Variants in FBN2 observed in about 807,000 individuals in gnomAD.
FBN2 encodes the protein fibrillin-2.
FBN2 carries 105 observed loss-of-function variants against 355.6 expected under a neutral mutation model. The observed-to-expected ratio is 0.30, with a 90% confidence interval of 0.25 to 0.35. FBN2 has a LOEUF of 0.35. Ranked by LOEUF, FBN2 falls within the 10% of genes least tolerant of loss-of-function variation. FBN2 has a pLI of 1.00. For missense variants in FBN2, 3,280 were observed against 3,758.7 expected (o/e 0.87, Z 3.33); for synonymous variants, 1,350 against 1,301.2 (o/e 1.04, Z -0.81).
At chr5:128,468,873 T>C (rs1754782331) in intron 5 of FBN2, among the ~76,000 whole-genome samples, 1 of 152,190 alleles carries the variant, frequency 6.6e-6, no homozygotes, top group Admixed American at 6.5e-5. Context: ...TAAAATGCCC[T>C]TTTCATAACA....
At chr5:128,444,779 C>T (rs1754023485) in intron 7 of FBN2, among the ~76,000 whole-genome samples, 1 of 152,224 alleles carries the variant, frequency 6.6e-6, no homozygotes, top group South Asian at 2.1e-4. Flanking sequence ...AGAAAAGCCT[C>T]ATTCCATTTT....
intron 6 of FBN2, among the ~76,000 whole-genome samples, chr5:128,462,082 C>T (rs331065): frequency 0.99 from 151,432 of 152,338 alleles, 75,269 homozygotes; most frequent in Middle Eastern, 1. Flanking sequence ...ACTCTGTTTA[C>T]TACAAGGGCA....
At chr5:128,272,202 T>C in intron 61 of FBN2, 84 bp from the exon 62 acceptor site, 1 of 1,481,870 alleles carries the variant, frequency 6.7e-7, no homozygotes, top group Non-Finnish European at 9.4e-7. Context: ...CTGGGGTAAC[T>C]GTTATCATGG....
chr5:128,397,785 T>C (rs952735839), intron 8 of FBN2, among the ~76,000 whole-genome samples: 1 of 152,150 alleles, frequency 6.6e-6, no homozygotes, highest in African/African-American at 2.4e-5. Context: ...ACCTTTAGGC[T>C]ACTATTAAAC....
intron 15 of FBN2, among the ~76,000 whole-genome samples, chr5:128,369,907 T>C (rs1421460644): frequency 6.6e-6 from 1 of 152,190 alleles, no homozygotes; most frequent in Non-Finnish European, 1.5e-5. Context: ...TATGTGCTCT[T>C]GGCATTGTGC....
At chr5:128,473,840 G>A (rs138132850) in intron 5 of FBN2, among the ~76,000 whole-genome samples, 10 of 152,286 alleles carry the variant, frequency 6.6e-5, no homozygotes, top group Admixed American at 2.0e-4. Context: ...AAAGACTTTC[G>A]TTTCTGCAAA....
intron 64 of FBN2, 80 bp from the exon 65 acceptor site, chr5:128,259,909 C>A: frequency 6.7e-7 from 1 of 1,486,488 alleles, no homozygotes; most frequent in Non-Finnish European, 9.3e-7. Flanking sequence ...GCTGCAGGGG[C>A]TTTGGTCACG....
Position 128,421,185 on chromosome 5 carries a change from G to A in FBN2, c.953-12386C>T, listed in dbSNP as rs186062267. ...CCTAGAATGCCATTTTCAGTAATCT[G>A]TCCTTGCACTGTAGGCAATGAGGAG... On this transcript the variant is annotated intron_variant, in intron 7 of 64. Transcript: ENST00000262464. Among the ~76,000 whole-genome samples, 302 of 152,262 alleles carry A rather than the reference G, an allele frequency of 2.0e-3. 2 individuals are homozygous for A. Among genetic ancestry groups the A allele is most frequent in the Admixed American group, 1.0e-3 (16 of 15,292 alleles).
intron 36 of FBN2, among the ~76,000 whole-genome samples, chr5:128,313,122 A>G (rs958666635): frequency 3.9e-5 from 6 of 152,214 alleles, no homozygotes; most frequent in Admixed American, 1.3e-4. Context: ...TTTTTGTATA[A>G]TTAATCTATA....
rs1217429848 is a variant in FBN2 at position 128,304,948 on chromosome 5, C to T, written c.5800+9G>A. On this transcript the variant is annotated intron_variant, in intron 45 of 64. Coordinates refer to ENST00000262464, the MANE Select transcript of FBN2 (RefSeq NM_001999.4). ...CACTTCACTCCCTGGAGCCACATGC[C>T]CTTCTTACCCATGCACATGGTCTGG... 1.2e-6 allele frequency: 2 copies of T among 1,613,930 alleles called. No homozygotes were observed. The highest frequency in any genetic ancestry group is 1.7e-4 in the Middle Eastern group (1 of 6,060).
chr5:128,536,284 G>A (rs969048930), intron 2 of FBN2, 118 bp downstream of exon 2: 10 of 782,646 alleles, frequency 1.3e-5, no homozygotes, highest in Non-Finnish European at 2.0e-5. Context: ...GATTATCAGT[G>A]CAATGTGATC....
chr5:128,416,026 CTT>C (rs869186696), intron 7 of FBN2, among the ~76,000 whole-genome samples: 16 of 132,376 alleles, frequency 1.2e-4, no homozygotes, highest in Middle Eastern at 3.9e-3. Flanking sequence ...ATAGTTTGCA[CTT>C]TTTTTTTTTT....
At chr5:128,346,272 AGAAT>A (rs1434462903) in intron 23 of FBN2, among the ~76,000 whole-genome samples, 2 of 152,244 alleles carry the variant, frequency 1.3e-5, no homozygotes, top group African/African-American at 4.8e-5. Context: ...AGAGTAGACC[AGAAT>A]GGTCTATAAA....
At position 128,537,865 on chromosome 5, in the gene FBN2, G is replaced by C; in HGVS notation, c.-262C>G. On this transcript the variant is annotated 5_prime_UTR_variant, in exon 1 of 65. Transcript: ENST00000262464. ...GAGGTGCAGCCGGCAGCCCCGAGCGGTACACGTTGCATAACCGGCCTAAAG... is the reference window on the plus strand; with the variant it reads ...GAGGTGCAGCCGGCAGCCCCGAGCGCTACACGTTGCATAACCGGCCTAAAG... 1.8e-6 allele frequency: 1 copy of C among 559,506 alleles called. No homozygotes were observed. The allele number at this position is 559,506 out of a possible 1,614,324, so 34.7% of individuals were successfully genotyped here.
At chr5:128,531,685 T>A (rs143794286) in intron 2 of FBN2, among the ~76,000 whole-genome samples, 1,525 of 150,210 alleles carry the variant, frequency 0.01, 21 homozygotes, top group African/African-American at 0.035. Context: ...TGTGTATATA[T>A]ATGTATGTAT....
chr5:128,359,591 T>A (rs1408312662), intron 19 of FBN2, among the ~76,000 whole-genome samples: 1 of 152,136 alleles, frequency 6.6e-6, no homozygotes, highest in Non-Finnish European at 1.5e-5. Context: ...GTCTATCATT[T>A]CTTCTTTATT....
At chr5:128,317,680 C>T (rs1192059253) in intron 36 of FBN2, among the ~76,000 whole-genome samples, 5 of 152,136 alleles carry the variant, frequency 3.3e-5, no homozygotes, top group African/African-American at 4.8e-5. Context: ...ACCTTCATTA[C>T]GGCCTCCTCC....
chr5:128,378,666 AAC>A (rs1239838495), intron 12 of FBN2, 103 bp downstream of exon 12: 20 of 1,221,140 alleles, frequency 1.6e-5, no homozygotes, highest in Middle Eastern at 1.9e-4. Context: ...GTAATAATGT[AAC>A]ACTTATTTTA....
At chr5:128,261,591 T>G in intron 64 of FBN2, 145 bp downstream of exon 64, 1 of 756,910 alleles carries the variant, frequency 1.3e-6, no homozygotes, top group South Asian at 1.4e-5. Flanking sequence ...AATTTACTTG[T>G]CTTTTCCATA....
Sources: allele counts gnomAD v4.1 joint callset (sites outside exome capture counted in the v4.1 genomes callset), GRCh38; gene constraint gnomAD v4.1.1; transcripts MANE v1.5; gene names NCBI Gene and HGNC (gene_info 2026-07-23, HGNC 2026-07-21).